The following AHCYL2 variants were observed in gnomAD, a reference collection of about 807,000 sequenced individuals.
The protein encoded by AHCYL2 is S-adenosylhomocysteine hydrolase-like protein 2.
AHCYL2 carries 28 observed loss-of-function variants against 81.4 expected under a neutral mutation model. That is an observed-to-expected ratio of 0.34 (90% CI 0.25 to 0.47). The LOEUF (loss-of-function observed/expected upper bound fraction) is 0.47. Ranked by LOEUF, AHCYL2 falls within the 20% of genes least tolerant of loss-of-function variation. The probability of loss-of-function intolerance (pLI) is 1.00; values close to 1 mark genes in which losing one functional copy is unlikely to be tolerated. For synonymous variants in AHCYL2, 272 were observed against 290.2 expected, an observed-to-expected ratio of 0.94 and a Z score of 0.64; for missense variants, 551 against 785.1, an observed-to-expected ratio of 0.70 and a Z score of 3.56.
intron 4 of AHCYL2, among the ~76,000 whole-genome samples, chr7:129,391,773 G>C (rs1795482127): frequency 6.6e-6 from 1 of 152,186 alleles, no homozygotes; most frequent in African/African-American, 2.4e-5. Flanking sequence ...AAGAACATTA[G>C]AGATTCCTCA....
intron 1 of AHCYL2, chr7:129,375,844 G>T: frequency 6.5e-7 from 1 of 1,535,782 alleles, no homozygotes; most frequent in Non-Finnish European, 8.7e-7. Context: ...GACCACAGAG[G>T]TGGCAGTGGG....
chr7:129,242,744 G>T (rs188944590), intron 1 of AHCYL2, among the ~76,000 whole-genome samples: 21 of 151,752 alleles, frequency 1.4e-4, no homozygotes, highest in African/African-American at 4.8e-4. Context: ...ATTGCCTGTG[G>T]TATGTTAATT....
At chr7:129,396,146 G>A (rs1294626035) in intron 4 of AHCYL2, among the ~76,000 whole-genome samples, 2 of 152,060 alleles carry the variant, frequency 1.3e-5, no homozygotes, top group East Asian at 1.9e-4. Context: ...GTTTTGAGAC[G>A]GAGTCTTGCT....
intron 1 of AHCYL2, among the ~76,000 whole-genome samples, chr7:129,372,711 G>A (rs1311951549): frequency 6.6e-6 from 1 of 152,152 alleles, no homozygotes; most frequent in Non-Finnish European, 1.5e-5. Context: ...CTACTCAGGA[G>A]GCTGAGGCAA....
chr7:129,271,674 A>T (rs1796022576), intron 1 of AHCYL2, among the ~76,000 whole-genome samples: 1 of 152,152 alleles, frequency 6.6e-6, no homozygotes. Flanking sequence ...TGGCTGTTTC[A>T]CTCTGTTATA....
chr7:129,302,904 T>C (rs1405858981), intron 1 of AHCYL2, among the ~76,000 whole-genome samples: 2 of 152,210 alleles, frequency 1.3e-5, no homozygotes, highest in African/African-American at 4.8e-5. Context: ...CCTCCATTTT[T>C]TGGAATTGTT....
At chr7:129,281,279 T>G (rs1378508839) in intron 1 of AHCYL2, among the ~76,000 whole-genome samples, 2 of 152,140 alleles carry the variant, frequency 1.3e-5, no homozygotes, top group Non-Finnish European at 2.9e-5. Flanking sequence ...TTTTAAAATA[T>G]TTTTTCATCT....
chr7:129,344,982 C>T (rs1208276228), intron 1 of AHCYL2, among the ~76,000 whole-genome samples: 1 of 151,988 alleles, frequency 6.6e-6, no homozygotes, highest in African/African-American at 2.4e-5. Context: ...TGGTGAAACC[C>T]CATCTCTACT....
At chr7:129,361,885 G>T (rs1054088497) in intron 1 of AHCYL2, among the ~76,000 whole-genome samples, 1 of 151,948 alleles carries the variant, frequency 6.6e-6, no homozygotes, top group African/African-American at 2.4e-5. Context: ...CAGGTGCTAA[G>T]TGCTTTGTTC....
chr7:129,406,252 C>G lies in AHCYL2; in HGVS notation c.1207-126C>G. 5 of 793,190 alleles carry G rather than the reference C, an allele frequency of 6.3e-6. No individual in the cohort carries two copies. Among genetic ancestry groups the G allele is most frequent in the Non-Finnish European group, 1.0e-5 (5 of 489,930 alleles). 49.1% of individuals were successfully genotyped at this position (793,190 alleles called of 1,614,324 possible). Reference sequence around the variant, plus strand: ...AATTATTTGTTCTTCTCGTTTTCCCCAAGTATGAATCTATTCAGTGAAATT... The same window carrying G: ...AATTATTTGTTCTTCTCGTTTTCCCGAAGTATGAATCTATTCAGTGAAATT... On this transcript the variant is annotated intron_variant, in intron 9 of 16. Coordinates refer to ENST00000325006, the MANE Select transcript of AHCYL2 (RefSeq NM_015328.4). This position sits in a 1 kb window ranked among gnomAD's most constrained non-coding sequence, Gnocchi z 4.3.
intron 1 of AHCYL2, among the ~76,000 whole-genome samples, chr7:129,316,102 T>C (rs373083969): frequency 6.6e-6 from 1 of 152,124 alleles, no homozygotes; most frequent in East Asian, 1.9e-4. Flanking sequence ...TCTGGGCAGC[T>C]AACAAAGAAG....
intron 1 of AHCYL2, among the ~76,000 whole-genome samples, chr7:129,332,335 G>A (rs748436675): frequency 5.9e-5 from 9 of 152,030 alleles, no homozygotes; most frequent in Non-Finnish European, 1.3e-4. Flanking sequence ...TCTGTTTCTG[G>A]GTGTATTTCT....
rs1380181258 is a variant in AHCYL2 at position 129,413,686 on chromosome 7, G to A, written c.1459G>A (p.Val487Met). 9.9e-6 allele frequency: 16 copies of A among 1,613,554 alleles called. No homozygotes were observed. Among genetic ancestry groups the A allele is most frequent in the African/African-American group, 1.3e-5 (1 of 74,918 alleles). The change falls in exon 12 of 17, where the codon GTG (valine) becomes ATG (methionine). Residue 487 changes from valine to methionine, a missense_variant and splice_region_variant. By Grantham distance (21) the Val-to-Met change is conservative. Transcript: ENST00000325006. ...GGGACATTCCAACACAGAGATTGAC[G>A]TGGTAAGATCAAGTAGCTCATTATT... ...NMGHSNTEID[V>M]ASLRTPELTW...
Position 129,225,458 on chromosome 7 carries a change from C to G in AHCYL2, c.363+19C>G. 1.3e-6 allele frequency: 2 copies of G among 1,497,286 alleles called. No homozygotes were observed. Among genetic ancestry groups the G allele is most frequent in the Non-Finnish European group, 1.8e-6 (2 of 1,129,390 alleles). The allele number at this position is 1,497,286 out of a possible 1,614,324, so 92.8% of individuals were successfully genotyped here. A position where few individuals can be genotyped will look rare whatever the true frequency, so the allele number is the denominator to read the frequency against. The stretch of plus-strand genomic sequence containing the variant: ...CAAGAAGGTACTGGGGCCGGGCTGC[C>G]TCTCTAGGAGAGGAAGGGAGGGGAG... On this transcript the variant is annotated intron_variant, in intron 1 of 16. Transcript: ENST00000325006.
At chr7:129,372,018 C>T (rs1794434185) in intron 1 of AHCYL2, among the ~76,000 whole-genome samples, 1 of 152,152 alleles carries the variant, frequency 6.6e-6, no homozygotes, top group Admixed American at 6.5e-5. Context: ...GTGCTTAAAA[C>T]AGAAAGCCAT....
intron 1 of AHCYL2, among the ~76,000 whole-genome samples, chr7:129,352,548 A>G (rs995716627): frequency 6.6e-6 from 1 of 152,070 alleles, no homozygotes; most frequent in Non-Finnish European, 1.5e-5. Flanking sequence ...AATTTTTCTC[A>G]TCTTAGTAAA....
intron 1 of AHCYL2, among the ~76,000 whole-genome samples, chr7:129,241,021 A>G (rs1056767945): frequency 3.9e-5 from 6 of 152,034 alleles, no homozygotes; most frequent in South Asian, 2.1e-4. Context: ...TGGGCAGGGG[A>G]TGGCGCTTTG....
At chr7:129,346,170 C>G (rs887318174) in intron 1 of AHCYL2, among the ~76,000 whole-genome samples, 1 of 152,068 alleles carries the variant, frequency 6.6e-6, no homozygotes, top group Admixed American at 6.5e-5. Context: ...TGTTCCTTTT[C>G]CTTCAGTATT....
At chr7:129,300,519 C>A (rs1797223151) in intron 1 of AHCYL2, among the ~76,000 whole-genome samples, 1 of 152,044 alleles carries the variant, frequency 6.6e-6, no homozygotes. Context: ...CTTATATGTA[C>A]CACATTTAAA....
Sources: allele counts gnomAD v4.1 joint callset (sites outside exome capture counted in the v4.1 genomes callset), GRCh38; gene constraint gnomAD v4.1.1; non-coding constraint Gnocchi (gnomAD v3.1); transcripts MANE v1.5; gene names NCBI Gene and HGNC (gene_info 2026-07-23, HGNC 2026-07-21).